FHIT: variants seen among roughly 807,000 people sequenced by gnomAD.
FHIT encodes bis(5'-adenosyl)-triphosphatase.
FHIT carries 19 observed loss-of-function variants against 17.9 expected under a neutral mutation model. The observed-to-expected ratio is 1.06, with a 90% CI of 0.74 to 1.56. FHIT has a LOEUF of 1.56. Ranked by LOEUF, FHIT falls within the 40% of genes most tolerant of loss-of-function variation. The pLI, the probability that FHIT is intolerant of heterozygous loss-of-function variation, is 0.00. For missense variants in FHIT, 248 were observed against 189.2 expected, an observed-to-expected ratio of 1.31 and a Z score of -1.82; for synonymous variants, 81 against 69.7, an observed-to-expected ratio of 1.16 and a Z score of -0.81.
At chr3:60,407,747 C>T (rs9812351) in intron 5 of FHIT, among the ~76,000 whole-genome samples, 4,079 of 152,166 alleles carry the variant, frequency 0.027, 65 homozygotes, top group African/African-American at 0.051. Flanking sequence ...AAATTCCTGA[C>T]CTCAAATGAT....
chr3:59,868,939 A>G (rs184524279), intron 8 of FHIT, among the ~76,000 whole-genome samples: 30 of 152,316 alleles, frequency 2.0e-4, no homozygotes, highest in Non-Finnish European at 3.4e-4. Flanking sequence ...CCTTGGGCCA[A>G]TCGCTGTGGC....
At chr3:61,092,709 T>C (rs2035523740) in intron 2 of FHIT, among the ~76,000 whole-genome samples, 1 of 152,186 alleles carries the variant, frequency 6.6e-6, no homozygotes. Context: ...AAATCTCTTT[T>C]ATGTTTTAAG....
chr3:61,171,082 ATTC>A (rs1189774972), intron 2 of FHIT, among the ~76,000 whole-genome samples: 1 of 152,184 alleles, frequency 6.6e-6, no homozygotes, highest in Non-Finnish European at 1.5e-5. Context: ...GTGTATAAAC[ATTC>A]TTTTTTCTCC....
chr3:60,495,746 G>C (rs367847311), intron 5 of FHIT, among the ~76,000 whole-genome samples: 1 of 152,082 alleles, frequency 6.6e-6, no homozygotes, highest in African/African-American at 2.4e-5. Context: ...TCATTTGAAA[G>C]AGTCAAGGTA....
At chr3:61,042,839 C>CA (rs111957952) in intron 2 of FHIT, among the ~76,000 whole-genome samples, 14,968 of 123,300 alleles carry the variant, frequency 0.12, 881 homozygotes, top group African/African-American at 0.19. Context: ...GCATCTGACT[C>CA]AAAAAAAAAA....
chr3:59,750,516 A>C (rs2106718769), intron 9 of FHIT: 1 of 225,486 alleles, frequency 4.4e-6, no homozygotes. Flanking sequence ...AAAACGAGAG[A>C]GAGATGGTGA....
At chr3:61,243,752 T>C (rs1406535027) in intron 1 of FHIT, among the ~76,000 whole-genome samples, 2 of 151,926 alleles carry the variant, frequency 1.3e-5, no homozygotes, top group East Asian at 1.9e-4. Flanking sequence ...GCAAACTAAG[T>C]ACAGGACGAG....
chr3:60,664,315 G>A (rs6784732), intron 4 of FHIT, among the ~76,000 whole-genome samples: 10,346 of 151,824 alleles, frequency 0.068, 475 homozygotes, highest in African/African-American at 0.13. Context: ...TACATACCTG[G>A]CATATAATAA....
chr3:59,971,580 G>C (rs1357475954), intron 7 of FHIT, among the ~76,000 whole-genome samples: 1 of 152,082 alleles, frequency 6.6e-6, no homozygotes, highest in African/African-American at 2.4e-5. Context: ...CATAACTAAT[G>C]GGAGGCAGAA....
At chr3:61,202,067 T>TACAC (rs143994045) in intron 1 of FHIT, among the ~76,000 whole-genome samples, 3,896 of 148,664 alleles carry the variant, frequency 0.026, 148 homozygotes, top group African/African-American at 0.086. Context: ...CGCACATAGA[T>TACAC]ACACACACAC....
chr3:60,693,332 G>T (rs2041036738), intron 4 of FHIT, among the ~76,000 whole-genome samples: 2 of 152,140 alleles, frequency 1.3e-5, no homozygotes, highest in African/African-American at 4.8e-5. Flanking sequence ...GCATGACTAT[G>T]GCCTGTCTAT....
intron 1 of FHIT, among the ~76,000 whole-genome samples, chr3:61,201,491 G>A (rs1211222205): frequency 6.6e-6 from 1 of 152,178 alleles, no homozygotes; most frequent in Non-Finnish European, 1.5e-5. Context: ...TCCGAAAGGT[G>A]CAGTAGTTGG....
At chr3:60,020,474 G>A (rs1700513342) in intron 5 of FHIT, among the ~76,000 whole-genome samples, 1 of 152,182 alleles carries the variant, frequency 6.6e-6, no homozygotes, top group South Asian at 2.1e-4. Flanking sequence ...AAATATCACT[G>A]ATTTTGATTA....
intron 8 of FHIT, among the ~76,000 whole-genome samples, chr3:59,857,630 T>C (rs1249380341): frequency 6.6e-6 from 1 of 150,924 alleles, no homozygotes; most frequent in East Asian, 1.9e-4. Flanking sequence ...GTTTGTCCTA[T>C]GAGCGTGGAA....
At chr3:60,014,710 TAA>T (rs1355889381) in intron 5 of FHIT, among the ~76,000 whole-genome samples, 2 of 152,228 alleles carry the variant, frequency 1.3e-5, no homozygotes, top group Admixed American at 1.3e-4. Context: ...TATCCATAAC[TAA>T]GAGAGGTGCC....
chr3:60,090,499 G>A (rs908777449), intron 5 of FHIT, among the ~76,000 whole-genome samples: 2 of 152,116 alleles, frequency 1.3e-5, no homozygotes, highest in Non-Finnish European at 2.9e-5. Flanking sequence ...CGTGATTGAT[G>A]GGTAGAAAAA....
At chr3:61,092,291 G>A (rs1158764405) in intron 2 of FHIT, among the ~76,000 whole-genome samples, 4 of 151,996 alleles carry the variant, frequency 2.6e-5, no homozygotes, top group African/African-American at 4.8e-5. Flanking sequence ...TACTGAGCAG[G>A]TACATATACC....
intron 8 of FHIT, among the ~76,000 whole-genome samples, chr3:59,770,831 T>C (rs1368486115): frequency 6.6e-6 from 1 of 152,158 alleles, no homozygotes; most frequent in Non-Finnish European, 1.5e-5. Flanking sequence ...AACAGGCCTT[T>C]CGGACTCCCA....
At chr3:60,039,097 T>G in intron 5 of FHIT, among the ~76,000 whole-genome samples, 1 of 152,156 alleles carries the variant, frequency 6.6e-6, no homozygotes, top group East Asian at 1.9e-4. Context: ...AAGCTAGGAT[T>G]TGAATAGTTA....
Sources: gnomAD v4.1 joint callset for allele counts (sites outside exome capture counted in the v4.1 genomes callset) on GRCh38, gnomAD v4.1.1 for gene constraint, MANE v1.5 for transcripts, NCBI Gene and HGNC (gene_info 2026-07-23, HGNC 2026-07-21) for gene names.